The following YBX1 variants were observed in gnomAD, a reference collection of about 807,000 sequenced individuals.
The protein encoded by YBX1 is Y-box-binding protein 1.
YBX1 carries 3 observed loss-of-function variants against 41.4 expected under a neutral mutation model. The ratio of observed to expected loss-of-function variants is 0.07; its 90% confidence interval spans 0.03 to 0.19. The LOEUF is 0.19. Ranked by LOEUF, YBX1 falls within the 10% of genes least tolerant of loss-of-function variation. The pLI is 1.00. For missense variants in YBX1, 274 were observed against 462.8 expected, an observed-to-expected ratio of 0.59 and a Z score of 3.74; for synonymous variants, 133 against 165.8, an observed-to-expected ratio of 0.80 and a Z score of 1.52.
chr1:42,701,078 G>A lies in YBX1; in HGVS notation c.*31+32G>A, dbSNP rs572472208. On this transcript the variant is annotated intron_variant, in intron 7 of 7. Transcript: ENST00000321358. ...AAGCTTGGATGGCCATCCATTTATG[G>A]CAGTCGTGAGTGGTGACCATTTCGT... 505 of 1,539,268 alleles carry A rather than the reference G, an allele frequency of 3.3e-4. 2 individuals are homozygous for A. The highest frequency in any genetic ancestry group is 4.3e-4 in the Non-Finnish European group (482 of 1,116,480).
chr1:42,696,748 C>G lies in YBX1; in HGVS notation c.461C>G (p.Pro154Arg), dbSNP rs1182748455. The G allele has an allele frequency of 3.7e-6, 6 of 1,613,830 alleles. No homozygotes were observed. Among genetic ancestry groups the G allele is most frequent in the Non-Finnish European group, 5.1e-6 (6 of 1,179,838 alleles). The change falls in exon 5 of 8, where the codon CCT becomes CGT. Residue 154 changes from proline to arginine, a missense_variant. Pro to Arg is a moderately radical substitution (Grantham distance 103). This residue lies in a region of YBX1 where 187 missense variants were observed against 306.3 expected (regional missense o/e 0.61). Coordinates refer to ENST00000321358, the MANE Select transcript of YBX1 (RefSeq NM_004559.5). This position sits in a 1 kb window ranked among gnomAD's most constrained non-coding sequence, Gnocchi z 5.7. ...HYRRYPRRRG[P>R]PRNYQQNYQN... ...AGACGCTATCCACGTCGTAGGGGTC[C>G]TCCACGCAATTACCAGCAAAATTAC...
chr1:42,698,757 A>T (rs1650521629), intron 6 of YBX1, among the ~76,000 whole-genome samples: 1 of 152,152 alleles, frequency 6.6e-6, no homozygotes, highest in African/African-American at 2.4e-5. Context: ...TTTAAGTTAG[A>T]CTTAATGTCT....
intron 2 of YBX1, among the ~76,000 whole-genome samples, chr1:42,692,465 T>C (rs1650363944): frequency 6.6e-6 from 1 of 152,216 alleles, no homozygotes; most frequent in Admixed American, 6.5e-5. Context: ...TTAATTATCC[T>C]GTTCCCATCA....
intron 1 of YBX1, 138 bp from the exon 2 acceptor site, chr1:42,683,265 C>T (rs747609882): frequency 2.0e-6 from 2 of 1,018,840 alleles, no homozygotes; most frequent in Non-Finnish European, 3.1e-6. Context: ...TGCGTGGCCC[C>T]GCACCCGGGC....
Position 42,683,042 on chromosome 1 carries a change from A to G in YBX1, c.166+311A>G, listed in dbSNP as rs1474870620. On this transcript the variant is annotated intron_variant, in intron 1 of 7. Coordinates refer to ENST00000321358, the MANE Select transcript of YBX1 (RefSeq NM_004559.5). ...ACCGGCCTCGTGCGCTCGGGCCCGCACGCCGTTGTTCGCGTCACCCCCACC... is the reference window on the plus strand; with the variant it reads ...ACCGGCCTCGTGCGCTCGGGCCCGCGCGCCGTTGTTCGCGTCACCCCCACC... The G allele has an allele frequency of 5.3e-5, 22 of 412,984 alleles. No homozygotes were observed. In the Admixed American group the frequency reaches 5.7e-4, roughly 11 times the overall value. The allele number at this position is 412,984 out of a possible 1,614,324, so 25.6% of individuals were successfully genotyped here.
At chr1:42,685,202 A>C (rs1411103957) in intron 2 of YBX1, among the ~76,000 whole-genome samples, 1 of 152,242 alleles carries the variant, frequency 6.6e-6, no homozygotes, top group Non-Finnish European at 1.5e-5. Flanking sequence ...AGTTTTGTCC[A>C]GAATAAGAGT....
rs201270213 is a variant in YBX1, at chr1:42,697,347, C to G, written c.740+85C>G. ...CAATATCATGCCTCTCCTGCAGACT[C>G]ATTTTTCTGTTAACACTTCACGTTT... On this transcript the variant is annotated intron_variant, in intron 6 of 7. Transcript: ENST00000321358. 140 of 1,335,446 alleles carry G rather than the reference C, an allele frequency of 1.0e-4. No homozygotes were observed. The East Asian group carries it at 3.2e-3, about 31-fold the overall frequency. The allele number at this position is 1,335,446 out of a possible 1,614,324, so 82.7% of individuals were successfully genotyped here. A position where few individuals can be genotyped will look rare whatever the true frequency, so the allele number is the denominator to read the frequency against.
chr1:42,695,148 T>C (rs1328007653), intron 3 of YBX1, among the ~76,000 whole-genome samples: 2 of 152,202 alleles, frequency 1.3e-5, no homozygotes, highest in African/African-American at 4.8e-5. Flanking sequence ...TTTTTGGAAG[T>C]GGTTTCAACA....
Position 42,696,409 on chromosome 1 carries a change from G to C in YBX1, c.354+121G>C. On this transcript the variant is annotated intron_variant, in intron 4 of 7. Transcript: ENST00000321358. The surrounding 1 kb of genome is among the most constrained non-coding windows in gnomAD (Gnocchi z 5.7). ...TTCAGGTGACCTCATGAACACAGGT[G>C]CATCAAGCCTAATGTTCTGGCTGCA... 1 of 1,060,752 alleles carries C rather than the reference G, an allele frequency of 9.4e-7. No homozygotes were observed. The highest frequency in any genetic ancestry group is 1.6e-5 in the South Asian group (1 of 61,386). 65.7% of individuals were successfully genotyped at this position (1,060,752 alleles called of 1,614,324 possible). A position where few individuals can be genotyped will look rare whatever the true frequency, so the allele number is the denominator to read the frequency against.
rs977864456 is a variant in YBX1 at position 42,682,681 on chromosome 1, C to T, written c.116C>T (p.Pro39Leu). Residue 39 changes from proline to leucine, a missense_variant, in exon 1 of 8, where the codon CCG (proline) becomes CTG (leucine). Transcript: ENST00000321358. ...TTGSGAGSGG[P>L]GGLTSAAPAG... ...GGCAGCGGCGCAGGGAGCGGTGGCC[C>T]GGGCGGCCTCACATCGGCGGCGCCT... 3.9e-6 allele frequency: 5 copies of T among 1,271,070 alleles called. No homozygotes were observed. In the African/African-American group the frequency reaches 4.7e-5, roughly 12 times the overall value. 78.7% of individuals were successfully genotyped at this position (1,271,070 alleles called of 1,614,324 possible). A position where few individuals can be genotyped will look rare whatever the true frequency, so the allele number is the denominator to read the frequency against.
chr1:42,700,751 C>G (rs745812210), intron 6 of YBX1, 30 bp from the exon 7 acceptor site: 1 of 1,575,882 alleles, frequency 6.3e-7, no homozygotes, highest in African/African-American at 1.4e-5. Context: ...AAGGTTTTAT[C>G]ATTCTTAAGT....
chr1:42,683,365 G>A (rs761533247), intron 1 of YBX1, 38 bp from the exon 2 acceptor site: 2 of 1,613,478 alleles, frequency 1.2e-6, no homozygotes. Context: ...AAGGATAGCT[G>A]GTAATCGTGG....
chr1:42,687,997 A>G (rs1262981400), intron 2 of YBX1, among the ~76,000 whole-genome samples: 4 of 152,198 alleles, frequency 2.6e-5, no homozygotes. Flanking sequence ...ACATGTATGC[A>G]GGAGACATTA....
At chr1:42,699,688 G>T (rs1650547197) in intron 6 of YBX1, among the ~76,000 whole-genome samples, 1 of 151,824 alleles carries the variant, frequency 6.6e-6, no homozygotes, top group African/African-American at 2.4e-5. Flanking sequence ...TTGAACTCCT[G>T]CCCTCAAGTG....
rs764579266 is a variant in YBX1 at position 42,702,981 on chromosome 1, C to A, written c.*1032C>A. 6.6e-6 allele frequency among the ~76,000 whole-genome samples: 1 copy of A among 152,174 alleles called. No homozygotes were observed. On this transcript the variant is annotated 3_prime_UTR_variant, in exon 8 of 8. Transcript: ENST00000321358. ...CTTGTTCTGTCATCAGGCTGGAGTA[C>A]AGTGGCACAATCTTGGCTCACTGCA... is the stretch of plus-strand genomic sequence containing the variant.
chr1:42,690,987 G>A (rs1300723897), intron 2 of YBX1, among the ~76,000 whole-genome samples: 3 of 152,152 alleles, frequency 2.0e-5, no homozygotes, highest in Non-Finnish European at 4.4e-5. Flanking sequence ...GTGATGGCTG[G>A]CAGAGAGTGA....
At position 42,700,763 on chromosome 1, in the gene YBX1, T is replaced by C. The variant is rs1217411336; in HGVS notation, c.741-18T>C. The C allele has an allele frequency of 6.3e-7, 1 of 1,598,388 alleles. No individual in the cohort carries two copies. Among genetic ancestry groups the C allele is most frequent in the Non-Finnish European group, 8.5e-7 (1 of 1,172,866 alleles). On this transcript the variant is annotated intron_variant, in intron 6 of 7. Coordinates refer to ENST00000321358, the MANE Select transcript of YBX1 (RefSeq NM_004559.5). Reference sequence around the variant, plus strand: ...GAGAAGGTTTTATCATTCTTAAGTTTGACACCGTTCATTGCAGGGGCCCTC... The same window carrying C: ...GAGAAGGTTTTATCATTCTTAAGTTCGACACCGTTCATTGCAGGGGCCCTC...
intron 1 of YBX1, chr1:42,683,133 C>A (rs1170922091): frequency 3.2e-6 from 2 of 623,924 alleles, no homozygotes; most frequent in Admixed American, 4.5e-5. Flanking sequence ...GCGGCTTCCC[C>A]TTCCCTCACG....
chr1:42,686,653 G>GA (rs1468444009), intron 2 of YBX1, among the ~76,000 whole-genome samples: 3 of 152,198 alleles, frequency 2.0e-5, no homozygotes, highest in Middle Eastern at 3.2e-3. Flanking sequence ...CCCTTGTGGG[G>GA]ATTCCATATG....
Sources: allele counts gnomAD v4.1 joint callset (sites outside exome capture counted in the v4.1 genomes callset), GRCh38; gene constraint gnomAD v4.1.1; regional missense constraint gnomAD v4.1.1; non-coding constraint Gnocchi (gnomAD v3.1); transcripts MANE v1.5; gene names NCBI Gene and HGNC (gene_info 2026-07-23, HGNC 2026-07-21).